Variants in DERA observed in about 807,000 individuals in gnomAD.
DERA encodes deoxyribose-phosphate aldolase.
DERA carries 15 observed loss-of-function variants against 41.1 expected under a neutral mutation model. The observed-to-expected ratio is 0.37, with a 90% CI of 0.24 to 0.56. DERA has a LOEUF of 0.56. DERA is among the 20% of genes least tolerant of loss of function. The pLI is 0.81. For synonymous variants in DERA, 139 were observed against 137.4 expected, an observed-to-expected ratio of 1.01 and a Z score of -0.08; for missense variants, 396 against 403.4, an observed-to-expected ratio of 0.98 and a Z score of 0.16.
chr12:16,020,849 A>T lies in DERA; in HGVS notation c.638-11693A>T, dbSNP rs1166963216. Among the ~76,000 whole-genome samples, 1 of 152,164 alleles carries T rather than the reference A, an allele frequency of 6.6e-6. No homozygotes were observed. Among genetic ancestry groups the T allele is most frequent in the Non-Finnish European group, 1.5e-5 (1 of 68,026 alleles). On this transcript the variant is annotated intron_variant, in intron 6 of 8. Transcript: ENST00000428559. This position sits in a 1 kb window ranked among gnomAD's most constrained non-coding sequence, Gnocchi z 5.5. ...TGCCCTAGGGATCTGAGGAAATTTG[A>T]ATTTAAGGGTGATGAACTAGGGTAT...
At position 15,992,801 on chromosome 12, in the gene DERA, A is replaced by G. The variant is rs1400121215; in HGVS notation, c.637+10365A>G. ...ATGTAGAAAAGTGGCTTTATCTTTCAGTAGCGGTGGACTGTTCGCACACAC... is the reference window on the plus strand; with the variant it reads ...ATGTAGAAAAGTGGCTTTATCTTTCGGTAGCGGTGGACTGTTCGCACACAC... On this transcript the variant is annotated intron_variant, in intron 6 of 8. Transcript: ENST00000428559. This position sits in a 1 kb window ranked among gnomAD's most constrained non-coding sequence, Gnocchi z 4.3. Among the ~76,000 whole-genome samples the G allele has an allele frequency of 6.6e-6, 1 of 152,216 alleles. No homozygotes were observed. Among genetic ancestry groups the G allele is most frequent in the African/African-American group, 2.4e-5 (1 of 41,466 alleles).
rs1948731972 is a variant in DERA at position 15,981,383 on chromosome 12, C to A, written c.509-925C>A. Among the ~76,000 whole-genome samples the A allele has an allele frequency of 6.6e-6, 1 of 152,040 alleles. No homozygotes were observed. Among genetic ancestry groups the A allele is most frequent in the Non-Finnish European group, 1.5e-5 (1 of 68,000 alleles). On this transcript the variant is annotated intron_variant, in intron 5 of 8. Coordinates refer to ENST00000428559, the MANE Select transcript of DERA (RefSeq NM_015954.4). This position sits in a 1 kb window ranked among gnomAD's most constrained non-coding sequence, Gnocchi z 6.1. ...AAACAAAAAACAAAAAAACCTACTT[C>A]CTATGAAAGATACTCAAATACAAAG...
intron 1 of DERA, among the ~76,000 whole-genome samples, chr12:15,932,690 G>A (rs989203622): frequency 5.3e-5 from 8 of 152,034 alleles, no homozygotes; most frequent in Non-Finnish European, 1.0e-4. Flanking sequence ...TCACTGAGGT[G>A]TAATATGTGG....
Position 16,020,542 on chromosome 12 carries a change from G to T in DERA, c.638-12000G>T, listed in dbSNP as rs188353321. ...AACACAGAAAACTGATACCAGGAGT[G>T]GTGTGTTGCTATAAAGATAGCTGAA... On this transcript the variant is annotated intron_variant, in intron 6 of 8. Coordinates refer to ENST00000428559, the MANE Select transcript of DERA (RefSeq NM_015954.4). The surrounding 1 kb of genome is among the most constrained non-coding windows in gnomAD (Gnocchi z 5.5). Among the ~76,000 whole-genome samples, 1 of 152,296 alleles carries T rather than the reference G, an allele frequency of 6.6e-6. No homozygotes were observed. Among genetic ancestry groups the T allele is most frequent in the East Asian group, 1.9e-4 (1 of 5,192 alleles).
At chr12:15,946,507 T>C (rs1948450109) in intron 1 of DERA, among the ~76,000 whole-genome samples, 1 of 152,238 alleles carries the variant, frequency 6.6e-6, no homozygotes, top group Admixed American at 6.5e-5. Flanking sequence ...TTTTCTAGTT[T>C]ATTTGCATAG....
rs536458582 is a variant in DERA, at chr12:15,943,949, A to G, written c.32-12987A>G. Among the ~76,000 whole-genome samples the G allele has an allele frequency of 4.8e-3, 667 of 138,602 alleles. 1 individual carries two copies. The highest frequency in any genetic ancestry group is 0.013 in the Middle Eastern group (3 of 238). 90.9% of individuals were successfully genotyped at this position (138,602 alleles called of 152,430 possible). A position where few individuals can be genotyped will look rare whatever the true frequency, so the allele number is the denominator to read the frequency against. The stretch of plus-strand genomic sequence containing the variant: ...TGTGTCCAAGTGTTCTCATTGTTCA[A>G]TTCCCACCTATGAGTGAGAACATGC... On this transcript the variant is annotated intron_variant, in intron 1 of 8. Coordinates refer to ENST00000428559, the MANE Select transcript of DERA (RefSeq NM_015954.4). The surrounding 1 kb of genome is among the most constrained non-coding windows in gnomAD (Gnocchi z 4.5).
rs536274076 is a variant in DERA, at chr12:16,036,050, G to A, written c.751-182G>A. Among the ~76,000 whole-genome samples, 1 of 152,262 alleles carries A rather than the reference G, an allele frequency of 6.6e-6. No homozygotes were observed. The highest frequency in any genetic ancestry group is 1.5e-5 in the Non-Finnish European group (1 of 68,020). ...ACATTCTTCCAAAAATCTTGGAAAA[G>A]TTGTTTTGTAGTGTGAATGAGCATG... On this transcript the variant is annotated intron_variant, in intron 7 of 8. Coordinates refer to ENST00000428559, the MANE Select transcript of DERA (RefSeq NM_015954.4). This position sits in a 1 kb window ranked among gnomAD's most constrained non-coding sequence, Gnocchi z 4.9.
At position 15,915,064 on chromosome 12, in the gene DERA, T is replaced by C. The variant is rs1029908408; in HGVS notation, c.31+3650T>C. Among the ~76,000 whole-genome samples, 4 of 152,242 alleles carry C rather than the reference T, an allele frequency of 2.6e-5. No homozygotes were observed. Among genetic ancestry groups the C allele is most frequent in the African/African-American group, 9.6e-5 (4 of 41,466 alleles). The stretch of plus-strand genomic sequence containing the variant: ...GAGTACCAATCTGTACTGGGTAGTA[T>C]TACCCTAGGCTGGGGGTACAAGATA... On this transcript the variant is annotated intron_variant, in intron 1 of 8. Transcript: ENST00000428559. This position sits in a 1 kb window ranked among gnomAD's most constrained non-coding sequence, Gnocchi z 4.8.
intron 1 of DERA, among the ~76,000 whole-genome samples, chr12:15,951,081 A>G (rs1436629818): frequency 1.3e-5 from 2 of 152,174 alleles, no homozygotes; most frequent in Non-Finnish European, 2.9e-5. Flanking sequence ...TGATCTAGGA[A>G]TTCTGGGTCC....
At chr12:15,960,661 A>AC (rs1260824601) in intron 4 of DERA, among the ~76,000 whole-genome samples, 8 of 150,760 alleles carry the variant, frequency 5.3e-5, no homozygotes, top group African/African-American at 1.7e-4. Flanking sequence ...AAAAAAAAAA[A>AC]AACAACGATA....
At chr12:16,006,833 G>T (rs1191031363) in intron 6 of DERA, among the ~76,000 whole-genome samples, 1 of 152,212 alleles carries the variant, frequency 6.6e-6, no homozygotes, top group African/African-American at 2.4e-5. Flanking sequence ...GGAAATGTAA[G>T]CCTGTATTGC....
intron 5 of DERA, among the ~76,000 whole-genome samples, chr12:15,975,672 T>C (rs886484625): frequency 1.3e-5 from 2 of 152,254 alleles, no homozygotes; most frequent in African/African-American, 4.8e-5. Flanking sequence ...GCTTAAAGGT[T>C]AGAAACAAGG....
chr12:15,940,568 G>C lies in DERA; in HGVS notation c.32-16368G>C, dbSNP rs2136135979. ...GAGTTTCACCATGTTAGCCAAGATG[G>C]TCTTGATCTCCTGACCTCGTGATCT... On this transcript the variant is annotated intron_variant, in intron 1 of 8. Coordinates refer to ENST00000428559, the MANE Select transcript of DERA (RefSeq NM_015954.4). The surrounding 1 kb of genome is among the most constrained non-coding windows in gnomAD (Gnocchi z 5.1). 6.6e-6 allele frequency among the ~76,000 whole-genome samples: 1 copy of C among 152,212 alleles called. No homozygotes were observed. Among genetic ancestry groups the C allele is most frequent in the African/African-American group, 2.4e-5 (1 of 41,512 alleles).
At position 15,995,380 on chromosome 12, in the gene DERA, G is replaced by GA. The variant is rs1168674395; in HGVS notation, c.637+12944_637+12945insA. Among the ~76,000 whole-genome samples the GA allele has an allele frequency of 6.6e-6, 1 of 152,140 alleles. No individual in the cohort carries two copies. The highest frequency in any genetic ancestry group is 1.5e-5 in the Non-Finnish European group (1 of 68,002). ...AGTAACTCCTTGTTGAAAAGAAAAG[G>GA]TAGGGTGCCCAGAGCTAAAAGATCT... On this transcript the variant is annotated intron_variant, in intron 6 of 8. Transcript: ENST00000428559. The surrounding 1 kb of genome is among the most constrained non-coding windows in gnomAD (Gnocchi z 5.1).
Position 15,957,255 on chromosome 12 carries a change from G to A in DERA, c.129+222G>A, listed in dbSNP as rs1280294347. ...CTTATCACTCTTGAGTGGCAAAACC[G>A]CAAATGAATTTGAGGCATCTTTATT... On this transcript the variant is annotated intron_variant, in intron 2 of 8. Coordinates refer to ENST00000428559, the MANE Select transcript of DERA (RefSeq NM_015954.4). The surrounding 1 kb of genome is among the most constrained non-coding windows in gnomAD (Gnocchi z 4.8). Among the ~76,000 whole-genome samples, 3 of 152,140 alleles carry A rather than the reference G, an allele frequency of 2.0e-5. No individual in the cohort carries two copies. The highest frequency in any genetic ancestry group is 4.8e-5 in the African/African-American group (2 of 41,418).
chr12:15,921,073 A>G lies in DERA; in HGVS notation c.31+9659A>G, dbSNP rs1057471286. Among the ~76,000 whole-genome samples the G allele has an allele frequency of 5.3e-5, 8 of 152,184 alleles. No individual in the cohort carries two copies. The highest frequency in any genetic ancestry group is 1.9e-4 in the African/African-American group (8 of 41,438). ...TACCTTAATCTTATTATCTTTATAT[A>G]TCATATATTTTACACTGATAAGCAA... On this transcript the variant is annotated intron_variant, in intron 1 of 8. Coordinates refer to ENST00000428559, the MANE Select transcript of DERA (RefSeq NM_015954.4). This position sits in a 1 kb window ranked among gnomAD's most constrained non-coding sequence, Gnocchi z 5.3.
rs1243584546 is a variant in DERA, at chr12:15,976,163, T to C, written c.509-6145T>C. Reference sequence around the variant, plus strand: ...GCATGGTTTATTCTTACTTTCCCCTTCCATATTTATACCCCTTCTTCCCGT... The same window carrying C: ...GCATGGTTTATTCTTACTTTCCCCTCCCATATTTATACCCCTTCTTCCCGT... On this transcript the variant is annotated intron_variant, in intron 5 of 8. Coordinates refer to ENST00000428559, the MANE Select transcript of DERA (RefSeq NM_015954.4). The surrounding 1 kb of genome is among the most constrained non-coding windows in gnomAD (Gnocchi z 4.1). Among the ~76,000 whole-genome samples, 2 of 152,208 alleles carry C rather than the reference T, an allele frequency of 1.3e-5. No individual in the cohort carries two copies. Among genetic ancestry groups the C allele is most frequent in the Non-Finnish European group, 2.9e-5 (2 of 68,020 alleles).
At chr12:15,937,927 A>G (rs1258606365) in intron 1 of DERA, among the ~76,000 whole-genome samples, 1 of 152,204 alleles carries the variant, frequency 6.6e-6, no homozygotes, top group African/African-American at 2.4e-5. Flanking sequence ...TGTGTCAGTT[A>G]AGTACAGTGA....
intron 6 of DERA, 25 bp from the exon 7 acceptor site, chr12:16,032,516 TG>T: frequency 8.2e-7 from 1 of 1,223,848 alleles, no homozygotes; most frequent in Non-Finnish European, 1.1e-6. Context: ...TTAATTAACA[TG>T]GAGTTTTTCC....
Sources: allele counts gnomAD v4.1 joint callset (sites outside exome capture counted in the v4.1 genomes callset), GRCh38; gene constraint gnomAD v4.1.1; non-coding constraint Gnocchi (gnomAD v3.1); transcripts MANE v1.5; gene names NCBI Gene and HGNC (gene_info 2026-07-23, HGNC 2026-07-21).